SPG11: variants seen among roughly 807,000 people sequenced by gnomAD.
The protein encoded by SPG11 is spatacsin.
SPG11 carries 222 observed loss-of-function variants against 274.0 expected under a neutral mutation model. The observed-to-expected ratio is 0.81, with a 90% CI of 0.73 to 0.91. The LOEUF (loss-of-function observed/expected upper bound fraction) is 0.91. Among genes scored for constraint, SPG11 ranks in the 40% least tolerant of loss-of-function variants. The probability of loss-of-function intolerance (pLI) is 0.00; values close to 1 mark genes in which losing one functional copy is unlikely to be tolerated. For synonymous variants in SPG11, 1,144 were observed against 1,039.7 expected, an observed-to-expected ratio of 1.10 and a Z score of -1.93; for missense variants, 3,114 against 2,872.7, an observed-to-expected ratio of 1.08 and a Z score of -1.92.
At chr15:44,594,921 A>G (rs1322200923) in intron 26 of SPG11, among the ~76,000 whole-genome samples, 2 of 152,154 alleles carry the variant, frequency 1.3e-5, no homozygotes, top group African/African-American at 4.8e-5. Flanking sequence ...GGTTCAAGCA[A>G]TTATCCTGCC....
rs1367693064 is a variant in SPG11 at position 44,636,956 on chromosome 15, AAC to A, written c.1603-3321_1603-3320del. ...AAAAAAAAAAAAAAAAAAAAAAAAA[AAC>A]AAAAAAAAAACACAAATGTGGTAAA... is the stretch of plus-strand genomic sequence containing the variant. On this transcript the variant is annotated intron_variant, in intron 7 of 39. Coordinates refer to ENST00000261866, the MANE Select transcript of SPG11 (RefSeq NM_025137.4). 1.3e-3 allele frequency among the ~76,000 whole-genome samples: 164 copies of A among 125,044 alleles called. 11 individuals are homozygous for A. Among genetic ancestry groups the A allele is most frequent in the African/African-American group, 1.7e-3 (47 of 28,356 alleles). The allele number at this position is 125,044 out of a possible 152,430, so 82.0% of individuals were successfully genotyped here. A position where few individuals can be genotyped will look rare whatever the true frequency, so the allele number is the denominator to read the frequency against.
In SPG11 at chr15:44,573,703, C is replaced by T; in HGVS notation, c.6049G>A (p.Glu2017Lys). ...GCCAAGATTTTCCGGAGCATGGCTT[C>T]ACCATCCTGAGCAGCAACATCTGTG... ...SYTDVAAQDG[E>K]AMLRKILASQ... Residue 2017 changes from glutamate (E) to lysine (K), a missense_variant, in exon 32 of 40, where the codon GAA becomes AAA. Physicochemically the swap from Glu to Lys is moderately conservative, Grantham distance 56. Coordinates refer to ENST00000261866, the MANE Select transcript of SPG11 (RefSeq NM_025137.4). 1 of 1,614,238 alleles carries T rather than the reference C, an allele frequency of 6.2e-7. No homozygotes were observed. The highest frequency in any genetic ancestry group is 8.5e-7 in the Non-Finnish European group (1 of 1,180,042).
At chr15:44,608,025 G>C (rs1461405197) in intron 19 of SPG11, among the ~76,000 whole-genome samples, 1 of 152,166 alleles carries the variant, frequency 6.6e-6, no homozygotes, top group Non-Finnish European at 1.5e-5. Context: ...TCGGCTACCA[G>C]ATACATATAG....
intron 7 of SPG11, among the ~76,000 whole-genome samples, chr15:44,641,036 T>C (rs1364054766): frequency 6.6e-6 from 1 of 152,098 alleles, no homozygotes. Flanking sequence ...CCAGGACTTT[T>C]CAAAAAAGTG....
intron 1 of SPG11, 30 bp downstream of exon 1, chr15:44,663,361 C>G: frequency 6.3e-7 from 1 of 1,598,488 alleles, no homozygotes; most frequent in Non-Finnish European, 8.5e-7. Flanking sequence ...CTGGACTCCC[C>G]CAACGGCCCA....
At chr15:44,657,494 A>G (rs1191927140) in intron 3 of SPG11, among the ~76,000 whole-genome samples, 198 bp from the exon 4 acceptor site, 2 of 152,186 alleles carry the variant, frequency 1.3e-5, no homozygotes, top group African/African-American at 4.8e-5. Flanking sequence ...CCTGATACCA[A>G]GTTCTTCAAC....
At chr15:44,587,693 C>CAAAAAAAAAAAAA (rs34479385) in intron 28 of SPG11, among the ~76,000 whole-genome samples, 1 of 34,054 alleles carries the variant, frequency 2.9e-5, no homozygotes, top group African/African-American at 1.8e-4. Flanking sequence ...CAGACTGTCT[C>CAAAAAAAAAAAAA]AAAAAAAAAA....
chr15:44,620,290 G>C lies in SPG11; in HGVS notation c.2734C>G (p.Leu912Val). Residue 912 changes from leucine to valine, a missense_variant, in exon 15 of 40, where the codon CTT becomes GTT. Leu to Val is a conservative substitution (Grantham distance 32). Transcript: ENST00000261866. ...AGAAGGGGCCATTTGTTCTGCTGAA[G>C]TGAAGCATAACTATGCTGGGTTTGA... Reference protein sequence around the residue: ...EFQTQHSYASLQQNKWPLLTV... With the variant: ...EFQTQHSYASVQQNKWPLLTV... The C allele has an allele frequency of 6.2e-6, 10 of 1,613,982 alleles. No individual in the cohort carries two copies. Among genetic ancestry groups the C allele is most frequent in the Non-Finnish European group, 8.5e-6 (10 of 1,179,920 alleles).
chr15:44,615,316 G>C, intron 16 of SPG11, 47 bp downstream of exon 16: 1 of 1,572,646 alleles, frequency 6.4e-7, no homozygotes, highest in Non-Finnish European at 8.7e-7. Context: ...TATGCAAAGA[G>C]AAAATGTGAA....
rs369628210 is a variant in SPG11, at chr15:44,659,215, T to C, written c.531A>G (p.Ile177Met). 8.1e-6 allele frequency: 13 copies of C among 1,614,052 alleles called. No individual in the cohort carries two copies. Among genetic ancestry groups the C allele is most frequent in the African/African-American group, 4.0e-5 (3 of 74,926 alleles). Reference sequence around the variant, plus strand: ...TAATTGCAGCATCTCTTTCAGGAAATATAATATGTAGGATGACACATTTGT... The same window carrying C: ...TAATTGCAGCATCTCTTTCAGGAAACATAATATGTAGGATGACACATTTGT... ...FINKCVILHI[I>M]FPERDAAIRV... is the part of the protein sequence containing the mutation. Residue 177 changes from isoleucine (I) to methionine (M), a missense_variant, in exon 3 of 40, where the codon ATA becomes ATG. Transcript: ENST00000261866.
At chr15:44,588,630 C>T in intron 28 of SPG11, 1 of 437,854 alleles carries the variant, frequency 2.3e-6, no homozygotes, top group South Asian at 1.6e-5. Flanking sequence ...GCAGCCTAAT[C>T]CTCTTTACCT....
intron 25 of SPG11, 118 bp from the exon 26 acceptor site, chr15:44,595,577 T>C (rs1025376426): frequency 2.5e-5 from 28 of 1,103,026 alleles, no homozygotes; most frequent in Non-Finnish European, 3.5e-5. Flanking sequence ...TTAAAATGGC[T>C]TGAAAAGCCT....
chr15:44,614,818 G>C (rs1227998582), intron 16 of SPG11, among the ~76,000 whole-genome samples: 3 of 152,158 alleles, frequency 2.0e-5, no homozygotes, highest in Non-Finnish European at 2.9e-5. Flanking sequence ...TACTTCTATT[G>C]TTATTGTTAT....
At chr15:44,648,793 C>A (rs2084677566) in intron 7 of SPG11, 73 bp downstream of exon 7, 1 of 1,524,668 alleles carries the variant, frequency 6.6e-7, no homozygotes, top group African/African-American at 1.4e-5. Context: ...TGAATTCTCT[C>A]AAATCCTAAA....
chr15:44,583,958 C>T lies in SPG11; in HGVS notation c.5722G>A (p.Val1908Ile). ...GCTCTGCAGTGCAATACCAAGGCGACATCTGGATTATAAAAATGAAAATAC... is the reference window on the plus strand; with the variant it reads ...GCTCTGCAGTGCAATACCAAGGCGATATCTGGATTATAAAAATGAAAATAC... Reference protein sequence around the residue: ...CRYFHFYNPDVALVLHCRALA... With the variant: ...CRYFHFYNPDIALVLHCRALA... Residue 1908 changes from valine (V) to isoleucine (I), a missense_variant, in exon 30 of 40, where the codon GTC becomes ATC. Val to Ile is a conservative substitution (Grantham distance 29). Coordinates refer to ENST00000261866, the MANE Select transcript of SPG11 (RefSeq NM_025137.4). The T allele has an allele frequency of 6.2e-7, 1 of 1,614,220 alleles. No homozygotes were observed. Among genetic ancestry groups the T allele is most frequent in the African/African-American group, 1.3e-5 (1 of 75,060 alleles).
intron 36 of SPG11, 48 bp from the exon 37 acceptor site, chr15:44,566,353 A>C: frequency 1.2e-5 from 19 of 1,559,200 alleles, no homozygotes; most frequent in Non-Finnish European, 1.7e-5. Context: ...CCCAAAGCTC[A>C]CTGTTCTCAT....
In SPG11 at chr15:44,570,524, C is replaced by T; in HGVS notation, c.6477+1G>A. On this transcript the variant is annotated splice_donor_variant, in intron 34 of 39. Coordinates refer to ENST00000261866, the MANE Select transcript of SPG11 (RefSeq NM_025137.4). LOFTEE classifies it high-confidence loss of function. The stretch of plus-strand genomic sequence containing the variant: ...AGACTGGGGTTGAGGGGGCTACTTA[C>T]CACCAGCCCATACTCCTCACTGGGG... The T allele has an allele frequency of 6.2e-7, 1 of 1,614,040 alleles. No homozygotes were observed. The highest frequency in any genetic ancestry group is 8.5e-7 in the Non-Finnish European group (1 of 1,179,952).
At chr15:44,611,063 T>C in intron 17 of SPG11, 78 bp from the exon 18 acceptor site, 11 of 438,976 alleles carry the variant, frequency 2.5e-5, no homozygotes, top group Non-Finnish European at 3.7e-5. Flanking sequence ...GTGAGAACAA[T>C]AACATAAATT....
intron 26 of SPG11, among the ~76,000 whole-genome samples, chr15:44,594,804 G>C (rs1225735930): frequency 6.6e-6 from 1 of 152,058 alleles, no homozygotes; most frequent in East Asian, 1.9e-4. Context: ...ACTTTGCTAA[G>C]TAAATGGTAC....
Sources: allele counts gnomAD v4.1 joint callset (sites outside exome capture counted in the v4.1 genomes callset), GRCh38; gene constraint gnomAD v4.1.1; transcripts MANE v1.5; gene names NCBI Gene and HGNC (gene_info 2026-07-23, HGNC 2026-07-21).